Variants in SLC11A2 observed in about 807,000 individuals in gnomAD.
SLC11A2 encodes natural resistance-associated macrophage protein 2.
A neutral mutation model predicts 68.0 loss-of-function variants in SLC11A2; 38 were observed. The ratio of observed to expected loss-of-function variants is 0.56; its 90% CI spans 0.43 to 0.73. The LOEUF (loss-of-function observed/expected upper bound fraction) is 0.73. Among genes scored for constraint, SLC11A2 ranks in the 30% least tolerant of loss-of-function variants. The pLI is 0.00. For missense variants in SLC11A2, 517 were observed against 690.5 expected (o/e 0.75, Z 2.82); for synonymous variants, 242 against 250.6 (o/e 0.97, Z 0.32).
intron 2 of SLC11A2, among the ~76,000 whole-genome samples, chr12:51,009,806 T>C (rs1943053598): frequency 6.6e-6 from 1 of 152,190 alleles, no homozygotes; most frequent in South Asian, 2.1e-4. Context: ...CTTGCAAGCA[T>C]TACTGCCAGA....
At chr12:51,028,174 T>A (rs1420101579), upstream of SLC11A2, 1 of 1,531,456 alleles carries the variant, frequency 6.5e-7, no homozygotes. Context: ...CTGGGCTACT[T>A]ACTTAGTTCA....
At chr12:51,017,731 T>C (rs1006511120) in intron 1 of SLC11A2, among the ~76,000 whole-genome samples, 2 of 152,226 alleles carry the variant, frequency 1.3e-5, no homozygotes, top group Non-Finnish European at 2.9e-5. Context: ...TACAGCTGTC[T>C]AATTGGCAGG....
At chr12:51,003,028 G>C (rs1942406694) in intron 5 of SLC11A2, among the ~76,000 whole-genome samples, 1 of 151,758 alleles carries the variant, frequency 6.6e-6, no homozygotes, top group Non-Finnish European at 1.5e-5. Flanking sequence ...ACAAGGTCAG[G>C]AGTTCGAGAC....
chr12:50,954,703 G>A, the SLC11A2 span, among the ~76,000 whole-genome samples: 205 of 152,144 alleles, frequency 1.3e-3, 1 homozygote, highest in African/African-American at 4.6e-3. Flanking sequence ...TTCAGCCTGG[G>A]TGACATAGTG....
At chr12:50,952,822 T>C in the SLC11A2 span, among the ~76,000 whole-genome samples, 1 of 152,188 alleles carries the variant, frequency 6.6e-6, no homozygotes, top group East Asian at 1.9e-4. Context: ...TCCTGGCCTC[T>C]GATGGCTATC....
intron 5 of SLC11A2, among the ~76,000 whole-genome samples, chr12:51,003,582 AAT>A (rs57716840): frequency 1.1e-4 from 16 of 148,320 alleles, no homozygotes; most frequent in South Asian, 2.1e-4. Context: ...CAAACAAACA[AAT>A]ATATATATAT....
intron 5 of SLC11A2, among the ~76,000 whole-genome samples, chr12:51,003,528 G>A (rs1034211741): frequency 3.3e-5 from 5 of 150,982 alleles, no homozygotes; most frequent in Non-Finnish European, 7.4e-5. Flanking sequence ...CTCCAGCCTG[G>A]GCAACAGAGT....
chr12:50,994,763 T>G, intron 10 of SLC11A2, 133 bp from the exon 11 acceptor site: 3 of 698,502 alleles, frequency 4.3e-6, no homozygotes, highest in Non-Finnish European at 7.9e-6. Context: ...TGCTGTGATG[T>G]GGGCAGAGAC....
At chr12:50,956,032 G>T in the SLC11A2 span, among the ~76,000 whole-genome samples, 371 of 152,296 alleles carry the variant, frequency 2.4e-3, 1 homozygote, top group African/African-American at 8.6e-3. Context: ...ACCAATTTAA[G>T]TAAGAACAGA....
At chr12:50,996,372 C>T (rs985253008) in intron 9 of SLC11A2, among the ~76,000 whole-genome samples, 1 of 152,060 alleles carries the variant, frequency 6.6e-6, no homozygotes, top group Non-Finnish European at 1.5e-5. Flanking sequence ...CTCAGGAGTT[C>T]GAGACCAGCC....
intron 1 of SLC11A2, among the ~76,000 whole-genome samples, chr12:51,017,134 T>C (rs1943720218): frequency 6.6e-6 from 1 of 152,044 alleles, no homozygotes; most frequent in Non-Finnish European, 1.5e-5. Context: ...TAAAAATGTA[T>C]TCTTTAAAAA....
chr12:51,004,731 A>G, intron 5 of SLC11A2, 57 bp downstream of exon 5: 1 of 1,602,218 alleles, frequency 6.2e-7, no homozygotes, highest in Non-Finnish European at 8.5e-7. Context: ...ACATACCGCC[A>G]GACACACAGA....
At chr12:51,005,859 C>A in intron 3 of SLC11A2, 2 of 384,258 alleles carry the variant, frequency 5.2e-6, no homozygotes, top group South Asian at 2.1e-5. Context: ...CCCCAACCAA[C>A]TGAACGGATC....
At position 50,987,647 on chromosome 12, in the gene SLC11A2, T is replaced by C. The variant is rs1460118711; in HGVS notation, c.*678A>G. On this transcript the variant is annotated 3_prime_UTR_variant, in exon 16 of 16. Coordinates refer to ENST00000262052, the MANE Select transcript of SLC11A2 (RefSeq NM_000617.3). ...CAATCTGAGGAAAATCCTGAGAAGGTAATTAGTAAGCACCACCTAGCGATG... is the reference window on the plus strand; with the variant it reads ...CAATCTGAGGAAAATCCTGAGAAGGCAATTAGTAAGCACCACCTAGCGATG... 2.3e-6 allele frequency: 3 copies of C among 1,287,148 alleles called. No individual in the cohort carries two copies. In the East Asian group the frequency reaches 1.7e-4, roughly 71 times the overall value. The allele number at this position is 1,287,148 out of a possible 1,614,324, so 79.7% of individuals were successfully genotyped here.
intron 5 of SLC11A2, among the ~76,000 whole-genome samples, chr12:51,001,164 CAAA>C (rs34496378): frequency 3.9e-5 from 4 of 103,810 alleles, no homozygotes; most frequent in Admixed American, 1.1e-4. Flanking sequence ...GACTCCATCT[CAAA>C]AAAAAAAAAA....
the SLC11A2 span, chr12:50,954,152 G>C: frequency 1.0e-6 from 1 of 978,534 alleles, no homozygotes; most frequent in Non-Finnish European, 1.6e-6. Flanking sequence ...GCCTTACCCA[G>C]TGCCTTTGCG....
chr12:51,028,329 G>C (rs531979230), upstream of SLC11A2: 44 of 741,606 alleles, frequency 5.9e-5, no homozygotes, highest in Admixed American at 6.6e-4. Flanking sequence ...GGTGCTCTAA[G>C]CAACACAGCT....
chr12:50,964,481 A>G, the SLC11A2 span, among the ~76,000 whole-genome samples: 70 of 152,256 alleles, frequency 4.6e-4, 1 homozygote, highest in East Asian at 0.013. Flanking sequence ...ATGCATTCCA[A>G]TTTCCCCTTG....
the SLC11A2 span, chr12:50,970,555 T>C: frequency 8.8e-7 from 1 of 1,138,768 alleles, no homozygotes; most frequent in African/African-American, 1.6e-5. Context: ...GAAAACTATT[T>C]ATTATGAAGA....
Sources: allele counts gnomAD v4.1 joint callset (sites outside exome capture counted in the v4.1 genomes callset), GRCh38; gene constraint gnomAD v4.1.1; transcripts MANE v1.5; gene names NCBI Gene and HGNC (gene_info 2026-07-23, HGNC 2026-07-21).